USH2A: variants seen among roughly 807,000 people sequenced by gnomAD.
The protein encoded by USH2A is usherin.
Under a neutral mutation model 538.9 loss-of-function variants are expected in USH2A, and 443 were observed. That is an observed-to-expected ratio of 0.82 (90% CI 0.76 to 0.89). The LOEUF is 0.89. Among genes scored for constraint, USH2A ranks in the 40% least tolerant of loss-of-function variants. The pLI is 0.00. For missense variants in USH2A, 6,633 were observed against 6,324.8 expected (o/e 1.05, Z -1.65); for synonymous variants, 2,413 against 2,273.5 (o/e 1.06, Z -1.75).
intron 2 of USH2A, among the ~76,000 whole-genome samples, 179 bp from the exon 3 acceptor site, chr1:216,418,858 C>G (rs545058518): frequency 6.6e-6 from 1 of 152,098 alleles, no homozygotes; most frequent in Non-Finnish European, 1.5e-5. Context: ...TGAAGAAGCC[C>G]CTTTATTTCA....
At chr1:215,816,521 T>C (rs1662861835) in intron 48 of USH2A, among the ~76,000 whole-genome samples, 3 of 152,074 alleles carry the variant, frequency 2.0e-5, no homozygotes, top group South Asian at 4.1e-4. Context: ...TTTTGTGTTG[T>C]TTGTCAATAA....
intron 32 of USH2A, among the ~76,000 whole-genome samples, chr1:216,033,874 G>C (rs1669183839): frequency 6.6e-6 from 1 of 152,148 alleles, no homozygotes; most frequent in South Asian, 2.1e-4. Flanking sequence ...GGATGTGAAG[G>C]ATGAAGGAGG....
chr1:216,295,991 G>A (rs1182041725), intron 9 of USH2A, among the ~76,000 whole-genome samples: 1 of 151,754 alleles, frequency 6.6e-6, no homozygotes, highest in African/African-American at 2.4e-5. Context: ...TTCCCCACTA[G>A]TTCAATTTCT....
intron 21 of USH2A, among the ~76,000 whole-genome samples, chr1:216,128,965 C>A (rs1405910698): frequency 6.6e-6 from 1 of 151,864 alleles, no homozygotes; most frequent in Admixed American, 6.6e-5. Flanking sequence ...TCCATGAGAT[C>A]AATTTTTTTA....
intron 46 of USH2A, 125 bp from the exon 47 acceptor site, chr1:215,838,228 T>G (rs1355327526): frequency 1.3e-6 from 1 of 774,466 alleles, no homozygotes; most frequent in African/African-American, 1.7e-5. Flanking sequence ...CTCTTGAGGT[T>G]TAATCAATAT....
At chr1:215,849,984 G>A (rs1041829243) in intron 44 of USH2A, among the ~76,000 whole-genome samples, 2 of 77,938 alleles carry the variant, frequency 2.6e-5, no homozygotes, top group African/African-American at 7.0e-5. Context: ...CTAATTAATT[G>A]ATCTTTTTAA....
At chr1:216,321,131 G>A (rs2037600400) in intron 9 of USH2A, among the ~76,000 whole-genome samples, 1 of 151,888 alleles carries the variant, frequency 6.6e-6, no homozygotes, top group African/African-American at 2.4e-5. Flanking sequence ...TTATTTTCTT[G>A]CAAATTAGCA....
chr1:216,375,952 T>C (rs2038810370), intron 3 of USH2A, among the ~76,000 whole-genome samples: 1 of 152,112 alleles, frequency 6.6e-6, no homozygotes, highest in Non-Finnish European at 1.5e-5. Context: ...GGTGGAGAAG[T>C]CATAACACAC....
chr1:216,374,040 G>A (rs1333404813), intron 3 of USH2A, among the ~76,000 whole-genome samples: 1 of 146,978 alleles, frequency 6.8e-6, no homozygotes, highest in Non-Finnish European at 1.5e-5. Flanking sequence ...ACTCATAGGT[G>A]GGAATTGAAC....
chr1:215,810,333 A>G (rs1386222172), intron 49 of USH2A, among the ~76,000 whole-genome samples: 1 of 152,142 alleles, frequency 6.6e-6, no homozygotes, highest in Non-Finnish European at 1.5e-5. Context: ...AAAATGTTAA[A>G]TTTTATTTTG....
intron 58 of USH2A, among the ~76,000 whole-genome samples, chr1:215,757,588 T>C (rs1449290041): frequency 1.3e-5 from 2 of 152,354 alleles, no homozygotes; most frequent in East Asian, 3.9e-4. Context: ...CACATAATTT[T>C]GAAGTGTTTT....
At chr1:216,212,597 G>A (rs967193410) in intron 15 of USH2A, among the ~76,000 whole-genome samples, 4 of 151,874 alleles carry the variant, frequency 2.6e-5, no homozygotes, top group Admixed American at 2.6e-4. Context: ...ATATTGATTG[G>A]ACTCTCTGAA....
At chr1:216,353,084 C>A (rs939405764) in intron 4 of USH2A, among the ~76,000 whole-genome samples, 1 of 151,764 alleles carries the variant, frequency 6.6e-6, no homozygotes, top group Non-Finnish European at 1.5e-5. Context: ...GAAGAAAAAA[C>A]GGCAGGGAAG....
chr1:216,172,632 T>G (rs945707639), intron 21 of USH2A, among the ~76,000 whole-genome samples: 1 of 152,090 alleles, frequency 6.6e-6, no homozygotes, highest in African/African-American at 2.4e-5. Context: ...TAATGTTATT[T>G]ATATTTTAAA....
intron 49 of USH2A, among the ~76,000 whole-genome samples, chr1:215,803,388 C>T (rs1054945748): frequency 2.6e-5 from 4 of 152,102 alleles, no homozygotes; most frequent in Non-Finnish European, 4.4e-5. Context: ...AAAACCCCAT[C>T]ATCTCAGCCC....
intron 32 of USH2A, among the ~76,000 whole-genome samples, chr1:216,021,897 C>T (rs1668852808): frequency 6.6e-6 from 1 of 152,074 alleles, no homozygotes; most frequent in South Asian, 2.1e-4. Context: ...GAGGCTGAGC[C>T]TTTTAGGAGG....
At position 215,967,962 on chromosome 1, in the gene USH2A, A is replaced by G. The variant is rs6694708; in HGVS notation, c.6958-2483T>C. Among the ~76,000 whole-genome samples the G allele has an allele frequency of 6.6e-3, 998 of 152,298 alleles. 12 individuals are homozygous for G. Among genetic ancestry groups the G allele is most frequent in the African/African-American group, 0.023 (942 of 41,566 alleles). On this transcript the variant is annotated intron_variant, in intron 36 of 71. Transcript: ENST00000307340. ...ACAAGACACAGTCATAAAATTCTCA[A>G]TCTTAGACTCCACTAGTGTTATGTA...
At chr1:215,854,216 A>G (rs573558356) in intron 44 of USH2A, among the ~76,000 whole-genome samples, 9 of 152,308 alleles carry the variant, frequency 5.9e-5, no homozygotes, top group African/African-American at 1.9e-4. Context: ...GAGTTTGTGC[A>G]GGGAAACTCC....
At chr1:215,877,960 A>C in intron 42 of USH2A, 80 bp from the exon 43 acceptor site, 2 of 1,590,350 alleles carry the variant, frequency 1.3e-6, no homozygotes, top group Non-Finnish European at 8.6e-7. Flanking sequence ...GTTCTGTGGC[A>C]TGTGCGTGTG....
Sources: gnomAD v4.1 joint callset for allele counts (sites outside exome capture counted in the v4.1 genomes callset) on GRCh38, gnomAD v4.1.1 for gene constraint, MANE v1.5 for transcripts, NCBI Gene and HGNC (gene_info 2026-07-23, HGNC 2026-07-21) for gene names.